Variants in PRKN observed in about 807,000 individuals in gnomAD.
The protein encoded by PRKN is parkin RBR E3 ubiquitin protein ligase.
A neutral mutation model predicts 59.5 loss-of-function variants in PRKN; 56 were observed. The ratio of observed to expected loss-of-function variants is 0.94; its 90% CI spans 0.76 to 1.18. The LOEUF (loss-of-function observed/expected upper bound fraction) is 1.18, where lower values mean the gene tolerates loss of function less well. Ranked by LOEUF, PRKN falls within the 50% of genes most tolerant of loss-of-function variation. The pLI is 0.00. For missense variants in PRKN, 657 were observed against 596.4 expected (o/e 1.10, Z -1.06); for synonymous variants, 250 against 222.1 (o/e 1.13, Z -1.12).
rs373026648 is a variant in PRKN, at chr6:161,416,273, G to T, written c.1084-29396C>A. ...TGCCTGGCCCTTTACTGAAAAGTGC[G>T]GCCACCTCTGCTCTAACATAACTGG... On this transcript the variant is annotated intron_variant, in intron 9 of 11. Transcript: ENST00000366898. 3.0e-4 allele frequency among the ~76,000 whole-genome samples: 46 copies of T among 152,104 alleles called. No homozygotes were observed. The East Asian group carries it at 4.3e-3, about 14-fold the overall frequency.
intron 5 of PRKN, among the ~76,000 whole-genome samples, chr6:162,044,977 AATC>A (rs1208779224): frequency 2.0e-5 from 3 of 152,222 alleles, no homozygotes; most frequent in Non-Finnish European, 4.4e-5. Context: ...ATGGCATAAA[AATC>A]ATCGTTTGCC....
intron 4 of PRKN, among the ~76,000 whole-genome samples, chr6:162,081,983 C>A (rs890988112): frequency 1.3e-5 from 2 of 152,136 alleles, no homozygotes; most frequent in African/African-American, 4.8e-5. Context: ...CCTCTGCCAG[C>A]TGAACAACTT....
At position 161,582,295 on chromosome 6, in the gene PRKN, A is replaced by C. The variant is rs2128138322; in HGVS notation, c.872-12879T>G. 6.6e-6 allele frequency among the ~76,000 whole-genome samples: 1 copy of C among 152,294 alleles called. No homozygotes were observed. The highest frequency in any genetic ancestry group is 2.1e-4 in the South Asian group (1 of 4,822). On this transcript the variant is annotated intron_variant, in intron 7 of 11. Coordinates refer to ENST00000366898, the MANE Select transcript of PRKN (RefSeq NM_004562.3). The surrounding 1 kb of genome is among the most constrained non-coding windows in gnomAD (Gnocchi z 4.4). ...AACACCAACTCTTGTTAAAACATTG[A>C]GATTACCTTGAAACAATTTAGAGTC...
At chr6:162,070,130 T>C (rs1301306928) in intron 4 of PRKN, among the ~76,000 whole-genome samples, 1 of 152,218 alleles carries the variant, frequency 6.6e-6, no homozygotes, top group Non-Finnish European at 1.5e-5. Context: ...CATGTGTTGA[T>C]AATTTGTTCA....
intron 7 of PRKN, among the ~76,000 whole-genome samples, chr6:161,739,006 C>A (rs1420287534): frequency 1.2e-4 from 19 of 152,154 alleles, no homozygotes; most frequent in Admixed American, 1.2e-3. Flanking sequence ...GTCAAAGCCC[C>A]TACTGGAAAT....
In PRKN at chr6:162,297,774, C is replaced by T. The variant is rs117650966; in HGVS notation, c.172-35009G>A. 9.2e-5 allele frequency among the ~76,000 whole-genome samples: 14 copies of T among 152,120 alleles called. No individual in the cohort carries two copies. In the East Asian group the frequency reaches 2.1e-3, roughly 23 times the overall value. ...TTGAATCATCTAAAAATAAATGTAT[C>T]AATATAGCAACATACCACTGTGGGC... On this transcript the variant is annotated intron_variant, in intron 2 of 11. Transcript: ENST00000366898.
rs1212944411 is a variant in PRKN at position 161,578,201 on chromosome 6, C to T, written c.872-8785G>A. 3.3e-5 allele frequency among the ~76,000 whole-genome samples: 5 copies of T among 152,028 alleles called. No individual in the cohort carries two copies. The highest frequency in any genetic ancestry group is 1.2e-4 in the African/African-American group (5 of 41,384). On this transcript the variant is annotated intron_variant, in intron 7 of 11. Coordinates refer to ENST00000366898, the MANE Select transcript of PRKN (RefSeq NM_004562.3). The surrounding 1 kb of genome is among the most constrained non-coding windows in gnomAD (Gnocchi z 4.2). ...CCAAAGCCTGGAGTGTTTGAGGAAT[C>T]CAAGCAGCTGCTTGGCTGCAGATGA...
chr6:162,475,536 T>C (rs1380528289), intron 1 of PRKN, among the ~76,000 whole-genome samples: 12 of 152,038 alleles, frequency 7.9e-5, no homozygotes, highest in Admixed American at 6.5e-5. Flanking sequence ...GGTACATGCA[T>C]GTATGCATGT....
intron 1 of PRKN, among the ~76,000 whole-genome samples, chr6:162,608,219 G>C (rs771182020): frequency 6.6e-6 from 1 of 152,184 alleles, no homozygotes; most frequent in Non-Finnish European, 1.5e-5. Context: ...GAAGACTGAC[G>C]TATCGGGAGA....
At chr6:161,667,147 C>G (rs1385208446) in intron 7 of PRKN, among the ~76,000 whole-genome samples, 1 of 152,196 alleles carries the variant, frequency 6.6e-6, no homozygotes, top group East Asian at 1.9e-4. Flanking sequence ...CTTTTCCAAA[C>G]CCAACTCAAT....
chr6:161,442,856 CTA>C lies in PRKN; in HGVS notation c.1084-55981_1084-55980del, dbSNP rs1339846592. 6.6e-6 allele frequency among the ~76,000 whole-genome samples: 1 copy of C among 152,194 alleles called. No homozygotes were observed. Among genetic ancestry groups the C allele is most frequent in the East Asian group, 1.9e-4 (1 of 5,196 alleles). ...ACAACTAAACATAACATTTATATCA[CTA>C]TCTGTCAGCAGTTTAACATAAACCC... On this transcript the variant is annotated intron_variant, in intron 9 of 11. Transcript: ENST00000366898. The surrounding 1 kb of genome is among the most constrained non-coding windows in gnomAD (Gnocchi z 4.6).
chr6:162,722,343 C>T (rs866976656), intron 1 of PRKN, among the ~76,000 whole-genome samples: 1 of 152,178 alleles, frequency 6.6e-6, no homozygotes, highest in African/African-American at 2.4e-5. Flanking sequence ...AATCCTATTA[C>T]TGTAATTCCT....
At chr6:162,112,446 T>C (rs922995647) in intron 4 of PRKN, among the ~76,000 whole-genome samples, 7 of 152,160 alleles carry the variant, frequency 4.6e-5, no homozygotes, top group Non-Finnish European at 8.8e-5. Flanking sequence ...AAAGATAAAG[T>C]AACACAAAAA....
rs1177332315 is a variant in PRKN at position 162,393,155 on chromosome 6, C to CTTTTTTTTTTTTTTTTTTTTTTTTTTTT, written c.171+50154_171+50155insAAAAAAAAAAAAAAAAAAAAAAAAAAAA. 1.5e-4 allele frequency among the ~76,000 whole-genome samples: 12 copies of CTTTTTTTTTTTTTTTTTTTTTTTTTTTT among 80,172 alleles called. 3 individuals are homozygous for CTTTTTTTTTTTTTTTTTTTTTTTTTTTT. Among genetic ancestry groups the CTTTTTTTTTTTTTTTTTTTTTTTTTTTT allele is most frequent in the East Asian group, 1.2e-3 (2 of 1,682 alleles). The allele number at this position is 80,172 out of a possible 152,430, so 52.6% of individuals were successfully genotyped here. On this transcript the variant is annotated intron_variant, in intron 2 of 11. Coordinates refer to ENST00000366898, the MANE Select transcript of PRKN (RefSeq NM_004562.3). Reference sequence around the variant, plus strand: ...TGATACTGGGTGAGGATAGGAGATTCTTTTTTTTTTTTTTTTTTTTTTGAG... The same window carrying CTTTTTTTTTTTTTTTTTTTTTTTTTTTT: ...TGATACTGGGTGAGGATAGGAGATTCTTTTTTTTTTTTTTTTTTTTTTTTTTTTTTTTTTTTTTTTTTTTTTTTTTGAG...
intron 7 of PRKN, among the ~76,000 whole-genome samples, chr6:161,733,778 AAAAAAAT>A (rs1051051830): frequency 2.2e-5 from 2 of 89,852 alleles, no homozygotes; most frequent in East Asian, 3.2e-4. Flanking sequence ...GTGAAAAAAA[AAAAAAAT>A]ATATATATAT....
At chr6:161,815,853 G>C (rs945403341) in intron 6 of PRKN, among the ~76,000 whole-genome samples, 2 of 152,184 alleles carry the variant, frequency 1.3e-5, no homozygotes, top group South Asian at 4.1e-4. Context: ...TGTACGACGG[G>C]TTCACCTGAA....
At chr6:161,721,566 G>C (rs930584572) in intron 7 of PRKN, among the ~76,000 whole-genome samples, 3 of 152,090 alleles carry the variant, frequency 2.0e-5, no homozygotes, top group African/African-American at 7.2e-5. Flanking sequence ...AATTTAAAAA[G>C]GCTTCTAAGG....
chr6:162,011,481 TTATAATATA>T lies in PRKN; in HGVS notation c.619-38073_619-38065del, dbSNP rs1165440414. Among the ~76,000 whole-genome samples, 8 of 16,082 alleles carry T rather than the reference TTATAATATA, an allele frequency of 5.0e-4. 2 individuals carry two copies. Among genetic ancestry groups the T allele is most frequent in the Non-Finnish European group, 8.4e-4 (8 of 9,500 alleles). The allele number at this position is 16,082 out of a possible 152,430, so 10.6% of individuals were successfully genotyped here. Reference sequence around the variant, plus strand: ...TATATATATTATAATATATAATATATTATAATATATATAATATATATTTATTATATATAT... The same window carrying T: ...TATATATATTATAATATATAATATATTATAATATATATTTATTATATATAT... On this transcript the variant is annotated intron_variant, in intron 5 of 11. Transcript: ENST00000366898.
At chr6:161,430,835 A>G (rs1311563521) in intron 9 of PRKN, among the ~76,000 whole-genome samples, 10 of 148,536 alleles carry the variant, frequency 6.7e-5, no homozygotes, top group East Asian at 6.0e-4. Flanking sequence ...AAAAAAAAAA[A>G]AAAGAAATAC....
Sources: allele counts gnomAD v4.1 joint callset (sites outside exome capture counted in the v4.1 genomes callset), GRCh38; gene constraint gnomAD v4.1.1; non-coding constraint Gnocchi (gnomAD v3.1); transcripts MANE v1.5; gene names NCBI Gene and HGNC (gene_info 2026-07-23, HGNC 2026-07-21).